SLC26A7: variants seen among roughly 807,000 people sequenced by gnomAD.
The protein encoded by SLC26A7 is solute carrier family 26 member 7.
In SLC26A7, 59 loss-of-function variants were observed where a neutral mutation model predicts 82.5. That is an observed-to-expected ratio of 0.72 (90% CI 0.58 to 0.89). The LOEUF is 0.89. Among genes scored for constraint, SLC26A7 ranks in the 40% least tolerant of loss-of-function variants. SLC26A7 has a pLI of 0.00. For missense variants in SLC26A7, 820 were observed against 793.0 expected (o/e 1.03, Z -0.41); for synonymous variants, 271 against 274.3 (o/e 0.99, Z 0.12).
intron 4 of SLC26A7, among the ~76,000 whole-genome samples, chr8:91,317,845 G>T (rs1030743254): frequency 2.6e-5 from 4 of 151,248 alleles, no homozygotes; most frequent in Non-Finnish European, 5.9e-5. Context: ...TAGGAAAAGA[G>T]AAAAGTCTAA....
At chr8:91,269,780 A>G (rs1212364382) in intron 2 of SLC26A7, among the ~76,000 whole-genome samples, 1 of 151,174 alleles carries the variant, frequency 6.6e-6, no homozygotes, top group East Asian at 1.9e-4. Flanking sequence ...ATGGTGTCCC[A>G]TTTTCCTTTT....
At chr8:91,327,109 T>C (rs896898944) in intron 5 of SLC26A7, among the ~76,000 whole-genome samples, 2 of 151,910 alleles carry the variant, frequency 1.3e-5, no homozygotes, top group South Asian at 4.2e-4. Context: ...GAATGTAGAC[T>C]TTTTTTTGGT....
Position 91,363,444 on chromosome 8 carries a change from T to A in SLC26A7, c.1422-28T>A, listed in dbSNP as rs748370670. 5.8e-6 allele frequency: 8 copies of A among 1,383,466 alleles called. No homozygotes were observed. In the East Asian group the frequency reaches 1.9e-4, roughly 33 times the overall value. The allele number at this position is 1,383,466 out of a possible 1,614,324, so 85.7% of individuals were successfully genotyped here. ...TATATAATGATTAGGAAATGACTTG[T>A]TTTATTTTCTATCTGCTTTAATTTC... On this transcript the variant is annotated intron_variant, in intron 12 of 18. Coordinates refer to ENST00000276609, the MANE Select transcript of SLC26A7 (RefSeq NM_052832.4).
At chr8:91,288,952 T>A (rs1043056218) in intron 2 of SLC26A7, among the ~76,000 whole-genome samples, 184 bp from the exon 3 acceptor site, 1 of 152,202 alleles carries the variant, frequency 6.6e-6, no homozygotes, top group African/African-American at 2.4e-5. Flanking sequence ...GTTTTTGGAA[T>A]CATAACAATG....
chr8:91,310,034 G>A (rs1011999534), intron 4 of SLC26A7, among the ~76,000 whole-genome samples: 4 of 152,190 alleles, frequency 2.6e-5, no homozygotes, highest in African/African-American at 9.7e-5. Flanking sequence ...GCGAGAAGCT[G>A]CTGATCACCA....
In SLC26A7 at chr8:91,367,151, G is replaced by A. The variant is rs539042965; in HGVS notation, c.1626+434G>A. 1.2e-3 allele frequency among the ~76,000 whole-genome samples: 187 copies of A among 152,116 alleles called. 2 individuals are homozygous for A. The highest frequency in any genetic ancestry group is 4.4e-3 in the African/African-American group (184 of 41,512). On this transcript the variant is annotated intron_variant, in intron 14 of 18. Coordinates refer to ENST00000276609, the MANE Select transcript of SLC26A7 (RefSeq NM_052832.4). ...GCCTCCTGAGTAGCTGGGACCACAG[G>A]TACCCGCCACCACGCTCGGCTAATT...
chr8:91,338,637 C>G (rs1463404625), intron 7 of SLC26A7, among the ~76,000 whole-genome samples: 4 of 152,072 alleles, frequency 2.6e-5, no homozygotes, highest in Non-Finnish European at 5.9e-5. Flanking sequence ...TCTGAAATAG[C>G]AAACCCTAGG....
intron 4 of SLC26A7, among the ~76,000 whole-genome samples, chr8:91,296,871 C>T (rs1586377154): frequency 6.6e-6 from 1 of 152,146 alleles, no homozygotes; most frequent in East Asian, 1.9e-4. Context: ...GAGGCTTGCA[C>T]AGACAGGCTT....
chr8:91,305,213 A>T (rs938546170), intron 4 of SLC26A7, among the ~76,000 whole-genome samples: 3 of 152,230 alleles, frequency 2.0e-5, no homozygotes, highest in African/African-American at 7.2e-5. Context: ...CACTATGTTA[A>T]ATAACCAAAA....
At chr8:91,346,544 A>T (rs1205996269) in intron 9 of SLC26A7, among the ~76,000 whole-genome samples, 11 of 152,206 alleles carry the variant, frequency 7.2e-5, no homozygotes, top group Admixed American at 7.2e-4. Context: ...AATGACAACC[A>T]ATCAAAGGAT....
At chr8:91,289,325 C>A in intron 3 of SLC26A7, 79 bp downstream of exon 3, 2 of 1,109,028 alleles carry the variant, frequency 1.8e-6, no homozygotes, top group Non-Finnish European at 2.7e-6. Flanking sequence ...ATCTCCTTAG[C>A]AGTGTTAATG....
At chr8:91,394,534 T>C in intron 18 of SLC26A7, 1 of 1,293,984 alleles carries the variant, frequency 7.7e-7, no homozygotes, top group Non-Finnish European at 9.8e-7. Flanking sequence ...TGGTTTAGTT[T>C]TACAACTGTT....
intron 4 of SLC26A7, among the ~76,000 whole-genome samples, chr8:91,315,545 C>G (rs1424793958): frequency 6.6e-6 from 1 of 151,628 alleles, no homozygotes; most frequent in African/African-American, 2.4e-5. Context: ...TTGACAAATA[C>G]AGTCGCTAAA....
At chr8:91,358,233 C>T (rs1813931664) in intron 11 of SLC26A7, among the ~76,000 whole-genome samples, 1 of 152,106 alleles carries the variant, frequency 6.6e-6, no homozygotes, top group South Asian at 2.1e-4. Flanking sequence ...CTGGAAATAC[C>T]ATTTGACCCA....
chr8:91,220,554 A>G (rs939471019), intron 2 of SLC26A7, among the ~76,000 whole-genome samples: 1 of 151,718 alleles, frequency 6.6e-6, no homozygotes, highest in African/African-American at 2.4e-5. Flanking sequence ...TTCTGTGTCC[A>G]TGTGTTCTCA....
At chr8:91,375,005 T>C (rs771243535) in intron 15 of SLC26A7, among the ~76,000 whole-genome samples, 3 of 152,058 alleles carry the variant, frequency 2.0e-5, no homozygotes, top group Non-Finnish European at 4.4e-5. Context: ...TTCTTTCTTT[T>C]TTTTTGCCAT....
rs1290939385 is a variant in SLC26A7 at position 91,259,560 on chromosome 8, A to G, written c.193+9716A>G. 1.3e-5 allele frequency among the ~76,000 whole-genome samples: 2 copies of G among 152,106 alleles called. 1 individual carries two copies. On this transcript the variant is annotated intron_variant, in intron 2 of 18. Transcript: ENST00000276609. ...TGAGAATGCTTTTCAAGGCCCTTCA[A>G]TATCTGAATCTCACCTTTCCAGCCA...
chr8:91,349,462 T>C (rs1293424719), intron 9 of SLC26A7, among the ~76,000 whole-genome samples: 6 of 152,176 alleles, frequency 3.9e-5, no homozygotes, highest in Non-Finnish European at 8.8e-5. Flanking sequence ...AAAGCCCAAA[T>C]GTAGTTGTGA....
chr8:91,288,260 C>T (rs1270477388), intron 2 of SLC26A7, among the ~76,000 whole-genome samples: 5 of 152,186 alleles, frequency 3.3e-5, no homozygotes, highest in African/African-American at 4.8e-5. Context: ...TCTCAAGTCT[C>T]TTTGTAACAT....
Sources: allele counts gnomAD v4.1 joint callset (sites outside exome capture counted in the v4.1 genomes callset), GRCh38; gene constraint gnomAD v4.1.1; transcripts MANE v1.5; gene names NCBI Gene and HGNC (gene_info 2026-07-23, HGNC 2026-07-21).